The following TXNDC16 variants were observed in gnomAD, a reference collection of about 807,000 sequenced individuals.
TXNDC16 encodes the protein thioredoxin domain-containing protein 16.
TXNDC16 carries 74 observed loss-of-function variants against 85.6 expected under a neutral mutation model. That is an observed-to-expected ratio of 0.86 (90% CI 0.72 to 1.05). The LOEUF (loss-of-function observed/expected upper bound fraction) is 1.05, where lower values mean the gene tolerates loss of function less well. Among genes scored for constraint, TXNDC16 ranks in the 50% least tolerant of loss-of-function variants. The pLI, the probability that TXNDC16 is intolerant of heterozygous loss-of-function variation, is 0.00. For missense variants in TXNDC16, 959 were observed against 947.0 expected, an observed-to-expected ratio of 1.01 and a Z score of -0.17; for synonymous variants, 335 against 326.5, an observed-to-expected ratio of 1.03 and a Z score of -0.28.
At chr14:52,454,724 G>A (rs1204387338) in intron 18 of TXNDC16, among the ~76,000 whole-genome samples, 5 of 151,400 alleles carry the variant, frequency 3.3e-5, no homozygotes, top group Non-Finnish European at 5.9e-5. Context: ...GCTGAGGCAG[G>A]AGAATTGCTT....
chr14:52,474,813 T>C (rs968026022), intron 14 of TXNDC16, among the ~76,000 whole-genome samples: 1 of 151,560 alleles, frequency 6.6e-6, no homozygotes, highest in African/African-American at 2.4e-5. Context: ...TTAGATCAAA[T>C]GTGGTTGGGA....
Position 52,484,158 on chromosome 14 carries a change from T to C in TXNDC16, c.1109-1193A>G, listed in dbSNP as rs114597468. Among the ~76,000 whole-genome samples, 706 of 141,538 alleles carry C rather than the reference T, an allele frequency of 5.0e-3. 6 individuals are homozygous for C. The highest frequency in any genetic ancestry group is 0.017 in the African/African-American group (672 of 38,990). 92.9% of individuals were successfully genotyped at this position (141,538 alleles called of 152,430 possible). On this transcript the variant is annotated intron_variant, in intron 12 of 20. Transcript: ENST00000281741. ...TTTCTGAAACCCAGGGAAATACTTA[T>C]AGATGAAATTACATGTTTTGGATTT...
At chr14:52,547,818 A>G (rs1379769799) in intron 1 of TXNDC16, among the ~76,000 whole-genome samples, 1 of 152,218 alleles carries the variant, frequency 6.6e-6, no homozygotes, top group Non-Finnish European at 1.5e-5. Context: ...TGAAGATGGT[A>G]ATTTTGAATT....
chr14:52,465,479 C>T (rs6572848), intron 16 of TXNDC16, among the ~76,000 whole-genome samples: 16,035 of 151,516 alleles, frequency 0.11, 1,006 homozygotes, highest in East Asian at 0.18. Flanking sequence ...GTAGTCCCAA[C>T]TACTCGGGAG....
At chr14:52,525,271 C>A (rs925439991) in intron 6 of TXNDC16, among the ~76,000 whole-genome samples, 2 of 151,986 alleles carry the variant, frequency 1.3e-5, no homozygotes, top group African/African-American at 2.4e-5. Context: ...TTTTAGAGCA[C>A]TGGGCAAAAT....
At chr14:52,536,197 G>T (rs2037696773) in intron 6 of TXNDC16, among the ~76,000 whole-genome samples, 1 of 152,130 alleles carries the variant, frequency 6.6e-6, no homozygotes, top group Non-Finnish European at 1.5e-5. Flanking sequence ...TAATAAAAGA[G>T]ACCCTGAGAG....
chr14:52,528,032 A>C (rs2037379438), intron 6 of TXNDC16, among the ~76,000 whole-genome samples: 1 of 152,190 alleles, frequency 6.6e-6, no homozygotes, highest in African/African-American at 2.4e-5. Flanking sequence ...TGGTCAAAAA[A>C]TATGTTTCAA....
At chr14:52,433,319 G>A (rs946321095) in intron 20 of TXNDC16, among the ~76,000 whole-genome samples, 1 of 152,134 alleles carries the variant, frequency 6.6e-6, no homozygotes. Context: ...TGATAACATA[G>A]AGATAAATTA....
chr14:52,534,364 A>C (rs1209882873), intron 6 of TXNDC16, among the ~76,000 whole-genome samples: 1 of 152,208 alleles, frequency 6.6e-6, no homozygotes, highest in Non-Finnish European at 1.5e-5. Flanking sequence ...AATATGGCCC[A>C]ACACAAATTC....
chr14:52,530,097 T>TTA (rs1159106095), intron 6 of TXNDC16, among the ~76,000 whole-genome samples: 1 of 88,746 alleles, frequency 1.1e-5, no homozygotes, highest in Non-Finnish European at 1.9e-5. Context: ...CATTTATATA[T>TTA]TATATATATT....
chr14:52,526,906 G>T, intron 6 of TXNDC16, among the ~76,000 whole-genome samples: 1 of 148,226 alleles, frequency 6.7e-6, no homozygotes, highest in Admixed American at 7.1e-5. Context: ...CCATAAAACC[G>T]CAAAGGGAGA....
intron 18 of TXNDC16, among the ~76,000 whole-genome samples, chr14:52,453,280 A>C (rs2035454100): frequency 6.6e-6 from 1 of 152,186 alleles, no homozygotes; most frequent in Non-Finnish European, 1.5e-5. Context: ...AGGCTCCTCA[A>C]AAAACTAAAA....
chr14:52,432,349 T>C lies in TXNDC16; in HGVS notation c.2433A>G (p.Lys811=). The change falls in exon 21 of 21, where the codon AAA becomes AAG. Residue 811 remains lysine, a synonymous_variant. Transcript: ENST00000281741. Reference sequence around the variant, plus strand: ...CTAACTCTTTATCACGTCTAAATGATTTTTCTGCTTCTTTAAACCAATTAC... The same window carrying C: ...CTAACTCTTTATCACGTCTAAATGACTTTTCTGCTTCTTTAAACCAATTAC... ...NRSNWFKEAE[K]SFRRDKELGC... 1 of 1,613,692 alleles carries C rather than the reference T, an allele frequency of 6.2e-7. No homozygotes were observed.
chr14:52,488,375 C>T lies in TXNDC16; in HGVS notation c.1096G>A (p.Gly366Ser), dbSNP rs757351899. ...CATAACACATTACCTATATCTGGAC[C>T]TTCCATGTCATTGTCTTCATCTTCT... ...IQEDEDNDME[G>S]PDIDVQDDEV... The change falls in exon 12 of 21, where the codon GGT (glycine) becomes AGT (serine). Residue 366 changes from glycine (G) to serine (S), a missense_variant. Gly to Ser is a moderately conservative substitution (Grantham distance 56). Transcript: ENST00000281741. 2.5e-6 allele frequency: 4 copies of T among 1,613,232 alleles called. No homozygotes were observed. Among genetic ancestry groups the T allele is most frequent in the Non-Finnish European group, 3.4e-6 (4 of 1,179,616 alleles).
chr14:52,548,359 T>G (rs2037980860), intron 1 of TXNDC16, among the ~76,000 whole-genome samples: 1 of 152,184 alleles, frequency 6.6e-6, no homozygotes, highest in Non-Finnish European at 1.5e-5. Context: ...GTTGGTCAGC[T>G]GCTTGATTTA....
chr14:52,512,841 CCTTT>C (rs1173972664), intron 8 of TXNDC16, among the ~76,000 whole-genome samples: 2 of 152,146 alleles, frequency 1.3e-5, no homozygotes, highest in Non-Finnish European at 2.9e-5. Flanking sequence ...TGGGAAGACA[CCTTT>C]CTGTTTTACT....
At chr14:52,497,643 G>T (rs1052056214) in intron 9 of TXNDC16, among the ~76,000 whole-genome samples, 22 of 152,312 alleles carry the variant, frequency 1.4e-4, no homozygotes, top group African/African-American at 4.8e-4. Context: ...ACTTTGGGAG[G>T]CTGAGGCGGG....
chr14:52,518,240 T>C (rs1339859664), intron 7 of TXNDC16, among the ~76,000 whole-genome samples: 2 of 152,198 alleles, frequency 1.3e-5, no homozygotes, highest in African/African-American at 4.8e-5. Flanking sequence ...TCTCACAACT[T>C]TATTTCTCAA....
intron 8 of TXNDC16, 34 bp downstream of exon 8, chr14:52,514,846 C>A: frequency 4.0e-6 from 6 of 1,506,448 alleles, no homozygotes; most frequent in Admixed American, 2.0e-5. Context: ...AAAAAAAAAC[C>A]TTTAAATTGT....
Sources: allele counts gnomAD v4.1 joint callset (sites outside exome capture counted in the v4.1 genomes callset), GRCh38; gene constraint gnomAD v4.1.1; transcripts MANE v1.5; gene names NCBI Gene and HGNC (gene_info 2026-07-23, HGNC 2026-07-21).